WDR25: variants seen among roughly 807,000 people sequenced by gnomAD.
The protein encoded by WDR25 is WD repeat domain 25.
In WDR25, 35 loss-of-function variants were observed where a neutral mutation model predicts 47.7. The ratio of observed to expected loss-of-function variants is 0.73; its 90% confidence interval spans 0.56 to 0.97. The LOEUF is 0.97. Ranked by LOEUF, WDR25 falls within the 50% of genes least tolerant of loss-of-function variation. The pLI, the probability that WDR25 is intolerant of heterozygous loss-of-function variation, is 0.00. For missense variants in WDR25, 634 were observed against 704.7 expected, an observed-to-expected ratio of 0.90 and a Z score of 1.14; for synonymous variants, 248 against 278.9, an observed-to-expected ratio of 0.89 and a Z score of 1.10.
chr14:100,404,257 C>T lies in WDR25; in HGVS notation c.822+22511C>T, dbSNP rs142043715. Among the ~76,000 whole-genome samples, 26 of 152,334 alleles carry T rather than the reference C, an allele frequency of 1.7e-4. No individual in the cohort carries two copies. The East Asian group carries it at 5.0e-3, about 29-fold the overall frequency. ...CCTCAGGGCACGGTGCTGCAAGGTG[C>T]GGAGCTGGGAATGGAGTCCAGGGCT... On this transcript the variant is annotated intron_variant, in intron 2 of 6. Coordinates refer to ENST00000402312, the MANE Select transcript of WDR25 (RefSeq NM_001161476.3). The surrounding 1 kb of genome is among the most constrained non-coding windows in gnomAD (Gnocchi z 4.6).
rs565939316 is a variant in WDR25 at position 100,488,410 on chromosome 14, C to T, written c.1101+4286C>T. 2.8e-4 allele frequency among the ~76,000 whole-genome samples: 42 copies of T among 152,232 alleles called. No individual in the cohort carries two copies. The highest frequency in any genetic ancestry group is 8.9e-4 in the African/African-American group (37 of 41,538). ...GCAGAAGCCCCTGAGCCTCTAGTGCCGTTGGCCTGAGCTGCAGGAGACCTG... is the reference window on the plus strand; with the variant it reads ...GCAGAAGCCCCTGAGCCTCTAGTGCTGTTGGCCTGAGCTGCAGGAGACCTG... On this transcript the variant is annotated intron_variant, in intron 4 of 6. Coordinates refer to ENST00000402312, the MANE Select transcript of WDR25 (RefSeq NM_001161476.3). The surrounding 1 kb of genome is among the most constrained non-coding windows in gnomAD (Gnocchi z 4.2).
intron 3 of WDR25, among the ~76,000 whole-genome samples, chr14:100,469,344 A>T (rs1181163910): frequency 1.3e-5 from 2 of 152,172 alleles, no homozygotes; most frequent in African/African-American, 2.4e-5. Context: ...AGGGGACAGT[A>T]CTAATGGTCA....
Position 100,515,930 on chromosome 14 carries a change from G to C in WDR25, c.1102-9940G>C, listed in dbSNP as rs73351043. On this transcript the variant is annotated intron_variant, in intron 4 of 6. Transcript: ENST00000402312. Reference sequence around the variant, plus strand: ...CGGTATTACAGATGTGAGCCACCACGCCCAACCTCTTTTCTATTTATTCTA... The same window carrying C: ...CGGTATTACAGATGTGAGCCACCACCCCCAACCTCTTTTCTATTTATTCTA... Among the ~76,000 whole-genome samples the C allele has an allele frequency of 1.1e-3, 164 of 150,884 alleles. 1 individual carries two copies. The highest frequency in any genetic ancestry group is 9.5e-3 in the Admixed American group (144 of 15,130).
rs765197306 is a variant in WDR25 at position 100,391,388 on chromosome 14, C to T, written c.822+9642C>T. ...TATTAAGGAGCAGCGCCGCGGTCCC[C>T]GGCAGCCAGCTTCGTGATGCTCCCC... On this transcript the variant is annotated intron_variant, in intron 2 of 6. Transcript: ENST00000402312. 2.6e-5 allele frequency among the ~76,000 whole-genome samples: 4 copies of T among 152,148 alleles called. 1 individual carries two copies. Among genetic ancestry groups the T allele is most frequent in the South Asian group, 4.1e-4 (2 of 4,824 alleles).
At chr14:100,439,508 A>G (rs2140244290) in intron 2 of WDR25, among the ~76,000 whole-genome samples, 1 of 152,338 alleles carries the variant, frequency 6.6e-6, no homozygotes, top group Non-Finnish European at 1.5e-5. Context: ...GAAGCCGTCA[A>G]AATAAGAGCC....
rs1217541985 is a variant in WDR25, at chr14:100,381,749, A to G, written c.822+3A>G. 1.3e-6 allele frequency: 2 copies of G among 1,583,344 alleles called. No homozygotes were observed. Among genetic ancestry groups the G allele is most frequent in the South Asian group, 1.1e-5 (1 of 88,114 alleles). ...CTTCTATGGATAAAACTTTCAAGGT[A>G]AGACTTGAATGAAAACTTCTGCTTT... On this transcript the variant is annotated splice_donor_region_variant and intron_variant, in intron 2 of 6. Transcript: ENST00000402312.
intron 3 of WDR25, among the ~76,000 whole-genome samples, chr14:100,475,625 G>T (rs1899991995): frequency 6.6e-6 from 1 of 152,254 alleles, no homozygotes; most frequent in African/African-American, 2.4e-5. Flanking sequence ...CAGGGGTTTG[G>T]GGGTAGGGGT....
intron 2 of WDR25, among the ~76,000 whole-genome samples, chr14:100,444,756 C>T (rs1005329259): frequency 2.0e-5 from 3 of 152,254 alleles, no homozygotes; most frequent in Admixed American, 6.5e-5. Flanking sequence ...AACAGCTCAT[C>T]GTCCTCCTCA....
chr14:100,474,444 C>T (rs895431054), intron 3 of WDR25, among the ~76,000 whole-genome samples: 16 of 152,152 alleles, frequency 1.1e-4, no homozygotes, highest in African/African-American at 3.1e-4. Context: ...TGTTCATGAC[C>T]GTGACTGCAC....
chr14:100,384,283 C>G (rs1896970610), intron 2 of WDR25, among the ~76,000 whole-genome samples: 2 of 152,258 alleles, frequency 1.3e-5, no homozygotes, highest in African/African-American at 4.8e-5. Flanking sequence ...AGGGCCCTCT[C>G]TGTTTTAAGA....
chr14:100,477,704 A>G (rs145343403), intron 3 of WDR25, among the ~76,000 whole-genome samples: 189 of 152,334 alleles, frequency 1.2e-3, no homozygotes, highest in African/African-American at 4.1e-3. Flanking sequence ...TATCTCTTTA[A>G]CAAATGTAAA....
chr14:100,491,874 C>T (rs920840719), intron 4 of WDR25, among the ~76,000 whole-genome samples: 4 of 152,142 alleles, frequency 2.6e-5, no homozygotes, highest in African/African-American at 4.8e-5. Flanking sequence ...CAGAACCCAA[C>T]GTATCTGTGA....
chr14:100,520,236 G>C (rs1171989476), intron 4 of WDR25, among the ~76,000 whole-genome samples: 2 of 151,556 alleles, frequency 1.3e-5, no homozygotes, highest in Non-Finnish European at 2.9e-5. Flanking sequence ...TATTTTTCTT[G>C]TGGAGACAAA....
At chr14:100,409,626 C>T (rs138284904) in intron 2 of WDR25, among the ~76,000 whole-genome samples, 1,766 of 152,274 alleles carry the variant, frequency 0.012, 16 homozygotes, top group Non-Finnish European at 0.02. Context: ...GGCTGTGTTT[C>T]CTGACACTGA....
At chr14:100,479,623 T>C (rs1246655065) in intron 3 of WDR25, among the ~76,000 whole-genome samples, 1 of 152,202 alleles carries the variant, frequency 6.6e-6, no homozygotes, top group Admixed American at 6.5e-5. Context: ...AATCTGTTAG[T>C]ATAATTTAAA....
chr14:100,384,273 A>G (rs1160177384), intron 2 of WDR25, among the ~76,000 whole-genome samples: 1 of 152,262 alleles, frequency 6.6e-6, no homozygotes, highest in Admixed American at 6.5e-5. Flanking sequence ...ATGGTGGGCC[A>G]GGGCCCTCTC....
intron 2 of WDR25, among the ~76,000 whole-genome samples, chr14:100,390,510 T>G (rs1897121067): frequency 6.6e-6 from 1 of 152,080 alleles, no homozygotes; most frequent in Non-Finnish European, 1.5e-5. Flanking sequence ...AGGCTGGCGC[T>G]CATCATAGGA....
intron 2 of WDR25, among the ~76,000 whole-genome samples, chr14:100,450,641 C>T (rs750021662): frequency 2.0e-5 from 3 of 152,222 alleles, no homozygotes; most frequent in Non-Finnish European, 2.9e-5. Context: ...TCCCTGACAA[C>T]CTTGTGGGCT....
chr14:100,460,959 A>G (rs1162151209), intron 2 of WDR25, among the ~76,000 whole-genome samples: 1 of 152,234 alleles, frequency 6.6e-6, no homozygotes, highest in Non-Finnish European at 1.5e-5. Flanking sequence ...CTCATGCTGT[A>G]ATCCAGCCTT....
Sources: gnomAD v4.1 joint callset for allele counts (sites outside exome capture counted in the v4.1 genomes callset) on GRCh38, gnomAD v4.1.1 for gene constraint, Gnocchi (gnomAD v3.1) non-coding constraint, MANE v1.5 for transcripts, NCBI Gene and HGNC (gene_info 2026-07-23, HGNC 2026-07-21) for gene names.